Variants in PIP5K1A observed in about 807,000 individuals in gnomAD.
PIP5K1A encodes phosphatidylinositol-4-phosphate 5-kinase type 1 alpha.
In PIP5K1A, 46 loss-of-function variants were observed where a neutral mutation model predicts 72.9. The ratio of observed to expected loss-of-function variants is 0.63; its 90% CI spans 0.50 to 0.81. PIP5K1A has a LOEUF of 0.81. Ranked by LOEUF, PIP5K1A falls within the 30% of genes least tolerant of loss-of-function variation. The probability of loss-of-function intolerance (pLI) is 0.00; values close to 1 mark genes in which losing one functional copy is unlikely to be tolerated. For missense variants in PIP5K1A, 458 were observed against 706.1 expected (o/e 0.65, Z 3.98); for synonymous variants, 228 against 255.1 (o/e 0.89, Z 1.01).
chr1:151,195,839 T>C (rs1572100890), upstream of PIP5K1A, among the ~76,000 whole-genome samples: 1 of 149,164 alleles, frequency 6.7e-6, no homozygotes, highest in East Asian at 2.0e-4. Context: ...TATTAGTCTG[T>C]TTCCAATTTT....
At chr1:151,208,842 C>T (rs1209867605) in intron 1 of PIP5K1A, among the ~76,000 whole-genome samples, 1 of 137,720 alleles carries the variant, frequency 7.3e-6, no homozygotes, top group Non-Finnish European at 1.5e-5. Context: ...ACGCCATTCT[C>T]TTGCCTCAGC....
Position 151,222,224 on chromosome 1 carries a change from G to A in PIP5K1A, c.86-2021G>A, listed in dbSNP as rs1030785948. The stretch of plus-strand genomic sequence containing the variant: ...TTAGGCAAGGAAGAGAGAAGGTTTT[G>A]TGTCCTGATTCTGCTCCTCTCTTTG... On this transcript the variant is annotated intron_variant, in intron 1 of 15. Coordinates refer to ENST00000368888, the MANE Select transcript of PIP5K1A (RefSeq NM_001135638.2). 9.9e-5 allele frequency among the ~76,000 whole-genome samples: 15 copies of A among 152,204 alleles called. No individual in the cohort carries two copies. In the South Asian group the frequency reaches 1.5e-3, roughly 15 times the overall value.
intron 1 of PIP5K1A, among the ~76,000 whole-genome samples, chr1:151,199,429 A>G (rs587630232): frequency 6.6e-6 from 1 of 152,204 alleles, no homozygotes; most frequent in South Asian, 2.1e-4. Flanking sequence ...CCTGGCCAAC[A>G]TAGAGAAATC....
intron 3 of PIP5K1A, among the ~76,000 whole-genome samples, chr1:151,225,994 G>T (rs1275833298): frequency 6.6e-6 from 1 of 151,598 alleles, no homozygotes; most frequent in Admixed American, 6.6e-5. Flanking sequence ...GCCCAGTCTG[G>T]TCTCAAACTC....
intron 1 of PIP5K1A, among the ~76,000 whole-genome samples, chr1:151,217,149 G>A (rs1687765367): frequency 6.6e-6 from 1 of 152,106 alleles, no homozygotes; most frequent in Non-Finnish European, 1.5e-5. Context: ...TTGGCCTCAA[G>A]TGACCCACCC....
rs587732896 is a variant in PIP5K1A, at chr1:151,213,254, C to T, written c.86-10991C>T. Among the ~76,000 whole-genome samples, 17 of 152,132 alleles carry T rather than the reference C, an allele frequency of 1.1e-4. No homozygotes were observed. The East Asian group carries it at 2.5e-3, about 22-fold the overall frequency. On this transcript the variant is annotated intron_variant, in intron 1 of 15. Coordinates refer to ENST00000368888, the MANE Select transcript of PIP5K1A (RefSeq NM_001135638.2). ...ACTGCTCCTTGTGGAGCAGGGCTAC[C>T]TTATAGGCAGTGTGTCCAGAGTAGG...
chr1:151,219,557 TGTG>T (rs1688106191), intron 1 of PIP5K1A, among the ~76,000 whole-genome samples: 1 of 144,356 alleles, frequency 6.9e-6, no homozygotes. Context: ...AGCTGGGTGT[TGTG>T]GTGCGTGCCT....
At chr1:151,196,960 A>G (rs1684606814), upstream of PIP5K1A, among the ~76,000 whole-genome samples, 1 of 150,986 alleles carries the variant, frequency 6.6e-6, no homozygotes, top group East Asian at 1.9e-4. Flanking sequence ...TCCTGGGTTC[A>G]AGCGATTCTC....
intron 1 of PIP5K1A, chr1:151,223,808 G>C (rs1200108200): frequency 5.9e-6 from 1 of 168,870 alleles, no homozygotes; most frequent in Non-Finnish European, 1.3e-5. Context: ...AGCCATCATG[G>C]TGAAATCCCG....
intron 1 of PIP5K1A, among the ~76,000 whole-genome samples, chr1:151,210,619 C>T (rs587719477): frequency 6.6e-6 from 1 of 152,136 alleles, no homozygotes; most frequent in Admixed American, 6.6e-5. Context: ...GAGTCTCGCT[C>T]TGTTGCCCAG....
intron 4 of PIP5K1A, among the ~76,000 whole-genome samples, chr1:151,227,922 T>C (rs1334711867): frequency 2.6e-5 from 4 of 152,060 alleles, no homozygotes; most frequent in Non-Finnish European, 5.9e-5. Flanking sequence ...AAATCTGGCA[T>C]TGGTTGCTAT....
At chr1:151,198,027 A>G, upstream of PIP5K1A, 1 of 470,666 alleles carries the variant, frequency 2.1e-6, no homozygotes, top group Non-Finnish European at 4.4e-6. Flanking sequence ...CATGCATCAA[A>G]TATTTACTGA....
chr1:151,244,206 G>T, intron 14 of PIP5K1A, among the ~76,000 whole-genome samples: 1 of 146,700 alleles, frequency 6.8e-6, no homozygotes, highest in African/African-American at 2.5e-5. Context: ...TCGTGAAAAT[G>T]TTATGTTGTT....
intron 8 of PIP5K1A, among the ~76,000 whole-genome samples, chr1:151,235,951 A>G (rs1022169092): frequency 1.3e-5 from 2 of 150,692 alleles, no homozygotes; most frequent in East Asian, 2.0e-4. Flanking sequence ...TGAAACCCCA[A>G]CTCTACTAAA....
intron 9 of PIP5K1A, 120 bp from the exon 10 acceptor site, chr1:151,238,059 CTTA>C (rs1691139787): frequency 9.2e-6 from 6 of 651,600 alleles, no homozygotes; most frequent in Admixed American, 2.7e-5. Context: ...TTCTTGATCA[CTTA>C]TTATCTGACC....
intron 3 of PIP5K1A, among the ~76,000 whole-genome samples, chr1:151,226,067 C>T (rs1689078761): frequency 6.7e-6 from 1 of 150,370 alleles, no homozygotes; most frequent in Non-Finnish European, 1.5e-5. Flanking sequence ...GTGCATGCCA[C>T]ACCACCCAGC....
At chr1:151,212,881 C>CTTTTT (rs59115186) in intron 1 of PIP5K1A, among the ~76,000 whole-genome samples, 2 of 112,998 alleles carry the variant, frequency 1.8e-5, no homozygotes, top group African/African-American at 3.4e-5. Context: ...CTGACTTTGC[C>CTTTTT]TTTTTTTTTT....
chr1:151,200,189 T>TG (rs1029513870), intron 1 of PIP5K1A, among the ~76,000 whole-genome samples: 22 of 133,438 alleles, frequency 1.6e-4, no homozygotes, highest in East Asian at 6.5e-4. Context: ...GAAAGATGGG[T>TG]GGGGGGGTGA....
chr1:151,204,075 C>G (rs1350950744), intron 1 of PIP5K1A, among the ~76,000 whole-genome samples: 5 of 152,120 alleles, frequency 3.3e-5, no homozygotes, highest in Non-Finnish European at 2.9e-5. Context: ...GTAGGGACAG[C>G]TTCATCAGTC....
Sources: gnomAD v4.1 joint callset for allele counts (sites outside exome capture counted in the v4.1 genomes callset) on GRCh38, gnomAD v4.1.1 for gene constraint, MANE v1.5 for transcripts, NCBI Gene and HGNC (gene_info 2026-07-23, HGNC 2026-07-21) for gene names.